Variants in C4BPB observed in about 807,000 individuals in gnomAD.
C4BPB encodes complement component 4 binding protein beta.
Under a neutral mutation model 26.6 loss-of-function variants are expected in C4BPB, and 19 were observed. The observed-to-expected ratio is 0.71, with a 90% confidence interval of 0.50 to 1.05. The LOEUF is 1.05. Among genes scored for constraint, C4BPB ranks in the 50% least tolerant of loss-of-function variants. The pLI is 0.00. For missense variants in C4BPB, 282 were observed against 302.9 expected, an observed-to-expected ratio of 0.93 and a Z score of 0.51; for synonymous variants, 118 against 103.5, an observed-to-expected ratio of 1.14 and a Z score of -0.85.
intron 6 of C4BPB, among the ~76,000 whole-genome samples, chr1:207,098,505 G>A (rs1684345503): frequency 6.6e-6 from 1 of 152,180 alleles, no homozygotes; most frequent in Non-Finnish European, 1.5e-5. Context: ...GTTGGTAGAA[G>A]TTGTTGTCTC....
chr1:207,098,101 C>G (rs1219676251), intron 5 of C4BPB, 49 bp from the exon 6 acceptor site: 1 of 1,428,278 alleles, frequency 7.0e-7, no homozygotes, highest in Non-Finnish European at 9.9e-7. Context: ...GTCTCCATTA[C>G]CCAATTCAGA....
At chr1:207,089,655 C>T in intron 2 of C4BPB, 66 bp downstream of exon 2, 1 of 1,331,076 alleles carries the variant, frequency 7.5e-7, no homozygotes, top group Non-Finnish European at 1.1e-6. Flanking sequence ...TTTTGAGGAA[C>T]TCTGTCTAGG....
At chr1:207,093,503 C>T (rs1323445872) in intron 4 of C4BPB, among the ~76,000 whole-genome samples, 1 of 151,988 alleles carries the variant, frequency 6.6e-6, no homozygotes, top group Non-Finnish European at 1.5e-5. Context: ...ATAAGTAGAA[C>T]AGATTAAGTC....
At chr1:207,095,150 T>C (rs1299880453) in intron 4 of C4BPB, 1 of 378,468 alleles carries the variant, frequency 2.6e-6, no homozygotes, top group Non-Finnish European at 5.2e-6. Context: ...ACCTTAGAGA[T>C]GATATTATTT....
At chr1:207,096,685 T>A in intron 5 of C4BPB, 70 bp downstream of exon 5, 1 of 839,488 alleles carries the variant, frequency 1.2e-6, no homozygotes, top group East Asian at 2.5e-5. Context: ...AATAACCCAG[T>A]CTGTGTCCAC....
chr1:207,090,289 G>C lies in C4BPB; in HGVS notation c.59-19G>C. 6.3e-7 allele frequency: 1 copy of C among 1,583,270 alleles called. No individual in the cohort carries two copies. Among genetic ancestry groups the C allele is most frequent in the Non-Finnish European group, 8.6e-7 (1 of 1,167,260 alleles). ...AGCACATGATATGCCAAGTGAATCT[G>C]TTTTCTTTTTTCTTCCAGCAGAGCA... On this transcript the variant is annotated intron_variant, in intron 2 of 6. Coordinates refer to ENST00000367078, the MANE Select transcript of C4BPB (RefSeq NM_001017365.3).
intron 3 of C4BPB, among the ~76,000 whole-genome samples, chr1:207,090,882 C>CA (rs1161209839): frequency 1.3e-5 from 2 of 152,164 alleles, no homozygotes; most frequent in African/African-American, 4.8e-5. Context: ...ATTATCCACA[C>CA]ATGATAATCT....
At position 207,096,547 on chromosome 1, in the gene C4BPB, A is replaced by C. The variant is rs775923614; in HGVS notation, c.435A>C (p.Pro145=). The C allele has an allele frequency of 6.2e-7, 1 of 1,609,380 alleles. No homozygotes were observed. The highest frequency in any genetic ancestry group is 1.1e-5 in the South Asian group (1 of 90,950). Residue 145 remains proline (P), a synonymous_variant, in exon 5 of 7, where the codon CCA becomes CCC. Transcript: ENST00000367078. ...GGGACTGTGACCCTCCTGGGAATCC[A>C]GTTCATGGCTATTTTGAAGGAAATA... The part of the protein sequence containing the change: ...KSRDCDPPGN[P]VHGYFEGNNF...
intron 4 of C4BPB, 165 bp from the exon 5 acceptor site, chr1:207,096,357 A>C (rs1684248394): frequency 1.6e-6 from 1 of 625,540 alleles, no homozygotes; most frequent in African/African-American, 1.9e-5. Context: ...ATGAATGAAG[A>C]ACAGGTTTCC....
At chr1:207,091,059 C>G (rs1212785843) in intron 3 of C4BPB, among the ~76,000 whole-genome samples, 2 of 152,184 alleles carry the variant, frequency 1.3e-5, no homozygotes, top group African/African-American at 4.8e-5. Flanking sequence ...TTTCTGGTAT[C>G]CTCTGTGGAG....
chr1:207,091,723 G>C lies in C4BPB; in HGVS notation c.312G>C (p.Thr104=). Residue 104 remains threonine (T), a synonymous_variant, in exon 4 of 7, where the codon ACG becomes ACC. Coordinates refer to ENST00000367078, the MANE Select transcript of C4BPB (RefSeq NM_001017365.3). ...CTGTGAATGTAAGTGACAAAATCAC[G>C]TTTATGTGCAATGACCACTACATCC... ...SGPVNVSDKI[T]FMCNDHYILK... 6.2e-7 allele frequency: 1 copy of C among 1,614,014 alleles called. No homozygotes were observed. The highest frequency in any genetic ancestry group is 1.1e-5 in the South Asian group (1 of 91,074).
intron 6 of C4BPB, among the ~76,000 whole-genome samples, chr1:207,099,266 C>T (rs955736454): frequency 5.3e-5 from 8 of 152,228 alleles, no homozygotes; most frequent in Non-Finnish European, 8.8e-5. Context: ...GTTTCACGCT[C>T]TTATGAGAAT....
In C4BPB at chr1:207,098,229, C is replaced by A. The variant is rs901384648; in HGVS notation, c.583C>A (p.Gln195Lys). The change falls in exon 6 of 7, where the codon CAG becomes AAG. Residue 195 changes from glutamine to lysine, a missense_variant. Coordinates refer to ENST00000367078, the MANE Select transcript of C4BPB (RefSeq NM_001017365.3). ...SSALPVCKLI[Q>K]EAPKPECEKA... ...TGCACTTCCAGTCTGCAAGTTGATC[C>A]AGGAAGCTCCCAAACCAGAGTGTGA... The A allele has an allele frequency of 1.2e-6, 2 of 1,613,822 alleles. No homozygotes were observed. The highest frequency in any genetic ancestry group is 1.7e-5 in the Admixed American group (1 of 60,006).
At chr1:207,089,066 A>G (rs1174055871) in intron 1 of C4BPB, 120 bp downstream of exon 1, 2 of 160,986 alleles carry the variant, frequency 1.2e-5, no homozygotes, top group Non-Finnish European at 2.7e-5. Context: ...CTGGGCAAGA[A>G]CCAGGGATTG....
Position 207,093,864 on chromosome 1 carries a change from T to C in C4BPB, c.409+2044T>C, listed in dbSNP as rs367780400. 3.6e-4 allele frequency among the ~76,000 whole-genome samples: 55 copies of C among 152,146 alleles called. 2 individuals are homozygous for C. In the South Asian group the frequency reaches 0.011, roughly 31 times the overall value. ...ATGGTTAAAGAGTTAATGTTTTTAA[T>C]AAACAAAGATCCCCTAGAGATCAGT... is the stretch of plus-strand genomic sequence containing the variant. On this transcript the variant is annotated intron_variant, in intron 4 of 6. Transcript: ENST00000367078.
At chr1:207,099,410 T>C (rs542502925) in intron 6 of C4BPB, among the ~76,000 whole-genome samples, 4 of 152,324 alleles carry the variant, frequency 2.6e-5, no homozygotes, top group African/African-American at 7.2e-5. Flanking sequence ...CAGTTCCTAA[T>C]AGTCCGTGGA....
Position 207,091,621 on chromosome 1 carries a change from T to C in C4BPB, c.233-23T>C, listed in dbSNP as rs754180318. 5 of 1,604,658 alleles carry C rather than the reference T, an allele frequency of 3.1e-6. No individual in the cohort carries two copies. The South Asian group carries it at 5.6e-5, about 18-fold the overall frequency. On this transcript the variant is annotated intron_variant, in intron 3 of 6. Transcript: ENST00000367078. ...TGGGCTTCAGCTTTGCCCTTTCAGC[T>C]TATTGCTTATTTTCTTCTTCAGTGG...
At chr1:207,090,229 A>C in intron 2 of C4BPB, 79 bp from the exon 3 acceptor site, 2 of 1,119,752 alleles carry the variant, frequency 1.8e-6, no homozygotes, top group Non-Finnish European at 2.5e-6. Flanking sequence ...GCAAAAAGAC[A>C]TGAGAATGGG....
In C4BPB at chr1:207,096,497, T is replaced by A. The variant is rs749898675; in HGVS notation, c.410-25T>A. 4.9e-6 allele frequency: 7 copies of A among 1,429,936 alleles called. No homozygotes were observed. The South Asian group carries it at 6.9e-5, about 14-fold the overall frequency. The allele number at this position is 1,429,936 out of a possible 1,614,324, so 88.6% of individuals were successfully genotyped here. The stretch of plus-strand genomic sequence containing the variant: ...TGAGCGTGCCTGGCCCTCATAACTA[T>A]GACTTCTATACTCGTTTCTCTCAGG... On this transcript the variant is annotated intron_variant, in intron 4 of 6. Transcript: ENST00000367078.
Sources: allele counts gnomAD v4.1 joint callset (sites outside exome capture counted in the v4.1 genomes callset), GRCh38; gene constraint gnomAD v4.1.1; transcripts MANE v1.5; gene names NCBI Gene and HGNC (gene_info 2026-07-23, HGNC 2026-07-21).